UNC13C: variants seen among roughly 807,000 people sequenced by gnomAD.
The protein encoded by UNC13C is protein unc-13 homolog C.
A neutral mutation model predicts 245.4 loss-of-function variants in UNC13C; 174 were observed. The ratio of observed to expected loss-of-function variants is 0.71; its 90% CI spans 0.63 to 0.80. The LOEUF (loss-of-function observed/expected upper bound fraction) is 0.80, where lower values mean the gene tolerates loss of function less well. Ranked by LOEUF, UNC13C falls within the 30% of genes least tolerant of loss-of-function variation. The probability of loss-of-function intolerance (pLI) is 0.00; values close to 1 mark genes in which losing one functional copy is unlikely to be tolerated. For missense variants in UNC13C, 2,829 were observed against 2,602.9 expected (o/e 1.09, Z -1.89); for synonymous variants, 992 against 895.1 (o/e 1.11, Z -1.93).
the UNC13C span, among the ~76,000 whole-genome samples, chr15:53,972,429 C>G: frequency 2.0e-5 from 3 of 152,176 alleles, no homozygotes; most frequent in Non-Finnish European, 4.4e-5. Flanking sequence ...CTATGTGGAT[C>G]TATTTTGATA....
intron 10 of UNC13C, among the ~76,000 whole-genome samples, chr15:54,286,378 C>T (rs922435625): frequency 6.6e-6 from 1 of 152,136 alleles, no homozygotes; most frequent in African/African-American, 2.4e-5. Context: ...TTAGTTGCTT[C>T]ATTAGATCTA....
In UNC13C at chr15:54,015,245, G is replaced by A; in HGVS notation, c.2342G>A (p.Ser781Asn). 1.2e-6 allele frequency: 2 copies of A among 1,613,478 alleles called. No homozygotes were observed. Among genetic ancestry groups the A allele is most frequent in the Non-Finnish European group, 8.5e-7 (1 of 1,179,744 alleles). The part of the protein sequence containing the change: ...SEDAPPKSWH[S>N]RLSIDLSDKT... ...GATGCCCCACCCAAATCATGGCATA[G>A]TCGATTAAGCATTGACCTTTCTGAT... The change falls in exon 2 of 33, where the codon AGT becomes AAT. Residue 781 changes from serine to asparagine, a missense_variant. Physicochemically the swap from Ser to Asn is conservative, Grantham distance 46. Coordinates refer to ENST00000260323, the MANE Select transcript of UNC13C (RefSeq NM_001080534.3).
the UNC13C span, among the ~76,000 whole-genome samples, chr15:53,908,681 G>C: frequency 2.2e-5 from 3 of 135,870 alleles, no homozygotes; most frequent in African/African-American, 8.1e-5. Context: ...GAGATTGGGA[G>C]GTTGAAGCTG....
chr15:54,419,600 G>A (rs921536393), intron 19 of UNC13C, among the ~76,000 whole-genome samples: 10 of 152,048 alleles, frequency 6.6e-5, no homozygotes, highest in African/African-American at 2.4e-4. Flanking sequence ...TATATAAATA[G>A]AACATAAGGC....
intron 4 of UNC13C, among the ~76,000 whole-genome samples, chr15:54,177,576 C>A (rs1208730706): frequency 6.6e-6 from 1 of 152,084 alleles, no homozygotes; most frequent in Non-Finnish European, 1.5e-5. Context: ...ACAAGCAAAG[C>A]TTTATTTTTC....
intron 2 of UNC13C, among the ~76,000 whole-genome samples, chr15:54,114,238 C>A (rs149244583): frequency 4.8e-4 from 73 of 152,294 alleles, no homozygotes; most frequent in African/African-American, 1.7e-3. Context: ...GAATACTTTT[C>A]TTTTCATTGA....
chr15:54,418,687 G>A (rs1413608711), intron 19 of UNC13C, among the ~76,000 whole-genome samples: 1 of 152,076 alleles, frequency 6.6e-6, no homozygotes, highest in Non-Finnish European at 1.5e-5. Flanking sequence ...AATATATCCT[G>A]CATACACTGA....
intron 18 of UNC13C, among the ~76,000 whole-genome samples, chr15:54,395,815 C>T (rs919396924): frequency 6.6e-6 from 1 of 151,604 alleles, no homozygotes; most frequent in Non-Finnish European, 1.5e-5. Flanking sequence ...ATTTTGTTGA[C>T]TAATGTATAT....
chr15:54,597,429 G>C (rs1596644287), intron 30 of UNC13C, among the ~76,000 whole-genome samples: 2 of 152,158 alleles, frequency 1.3e-5, no homozygotes, highest in South Asian at 4.1e-4. Flanking sequence ...ACAGGCCAAA[G>C]TTTCTGTGCA....
the UNC13C span, among the ~76,000 whole-genome samples, chr15:53,932,172 G>A: frequency 2.0e-5 from 3 of 152,046 alleles, no homozygotes; most frequent in African/African-American, 7.2e-5. Context: ...AGCTGGGCGT[G>A]GTGGCACGTG....
intron 19 of UNC13C, among the ~76,000 whole-genome samples, chr15:54,429,572 A>C (rs2040828042): frequency 6.6e-6 from 1 of 151,736 alleles, no homozygotes; most frequent in South Asian, 2.1e-4. Flanking sequence ...TGTATAGCAT[A>C]ATAGAGGTGG....
chr15:54,602,074 A>G (rs1414516600), intron 30 of UNC13C, among the ~76,000 whole-genome samples: 1 of 118,160 alleles, frequency 8.5e-6, no homozygotes, highest in Non-Finnish European at 2.0e-5. Flanking sequence ...TCTGGCATAG[A>G]CTGAACAGGC....
intron 29 of UNC13C, among the ~76,000 whole-genome samples, chr15:54,556,758 A>T (rs543549169): frequency 1.3e-5 from 2 of 151,706 alleles, no homozygotes; most frequent in Non-Finnish European, 2.9e-5. Context: ...GAAAAAAAAT[A>T]AGCTCTAGCA....
At chr15:54,172,693 T>TAC (rs199552567) in intron 4 of UNC13C, among the ~76,000 whole-genome samples, 20 of 88,492 alleles carry the variant, frequency 2.3e-4, no homozygotes, top group Middle Eastern at 5.3e-3. Context: ...CAAAGTCAAA[T>TAC]ACACACACAG....
chr15:54,067,222 TGTC>T (rs1397395021), intron 2 of UNC13C, among the ~76,000 whole-genome samples: 2 of 152,170 alleles, frequency 1.3e-5, no homozygotes, highest in East Asian at 1.9e-4. Flanking sequence ...AAAACTGTAT[TGTC>T]GTCACATAAA....
chr15:54,505,065 G>C (rs1384813093), intron 22 of UNC13C, among the ~76,000 whole-genome samples: 2 of 152,058 alleles, frequency 1.3e-5, no homozygotes, highest in Non-Finnish European at 2.9e-5. Context: ...ATTTAATCTG[G>C]AACTTTTTGA....
intron 30 of UNC13C, among the ~76,000 whole-genome samples, chr15:54,592,989 T>C (rs190959769): frequency 2.4e-4 from 37 of 152,270 alleles, no homozygotes; most frequent in Middle Eastern, 3.4e-3. Context: ...TAGCAGTTCT[T>C]GTAGTGATGG....
intron 13 of UNC13C, among the ~76,000 whole-genome samples, chr15:54,318,774 A>G (rs2038075196): frequency 1.3e-5 from 2 of 151,662 alleles, no homozygotes; most frequent in South Asian, 4.2e-4. Flanking sequence ...GCTCTTGTTT[A>G]TCTGGTTTTG....
intron 2 of UNC13C, among the ~76,000 whole-genome samples, chr15:54,121,696 G>A (rs1490537657): frequency 2.6e-5 from 4 of 151,598 alleles, no homozygotes; most frequent in South Asian, 2.1e-4. Flanking sequence ...AAATCTTATC[G>A]TGTTATTGAT....
Sources: allele counts gnomAD v4.1 joint callset (sites outside exome capture counted in the v4.1 genomes callset), GRCh38; gene constraint gnomAD v4.1.1; transcripts MANE v1.5; gene names NCBI Gene and HGNC (gene_info 2026-07-23, HGNC 2026-07-21).